Variants in LEP observed in about 807,000 individuals in gnomAD.
LEP encodes the protein leptin, also known as leptin (murine obesity homolog).
LEP carries 6 observed loss-of-function variants against 9.8 expected under a neutral mutation model. That is an observed-to-expected ratio of 0.61 (90% CI 0.34 to 1.21). The LOEUF (loss-of-function observed/expected upper bound fraction) is 1.21, where lower values mean the gene tolerates loss of function less well. Among genes scored for constraint, LEP ranks in the 50% most tolerant of loss-of-function variants. The probability of loss-of-function intolerance (pLI) is 0.04; values close to 1 mark genes in which losing one functional copy is unlikely to be tolerated. For synonymous variants in LEP, 112 were observed against 81.7 expected (o/e 1.37, Z -2.00); for missense variants, 134 against 198.1 (o/e 0.68, Z 1.94).
In LEP at chr7:128,250,913, G is replaced by A. The variant is rs149228774; in HGVS notation, c.-28-1078G>A. ...TTAACTTTATTACCTTTTGCCTCATGTATCTCATTAAAATTTTGCTGCTTA... is the reference window on the plus strand; with the variant it reads ...TTAACTTTATTACCTTTTGCCTCATATATCTCATTAAAATTTTGCTGCTTA... On this transcript the variant is annotated intron_variant, in intron 1 of 2. Transcript: ENST00000308868. Among the ~76,000 whole-genome samples, 1,522 of 152,274 alleles carry A rather than the reference G, an allele frequency of 1.0e-2. 11 individuals carry two copies. Among genetic ancestry groups the A allele is most frequent in the Non-Finnish European group, 0.015 (993 of 68,020 alleles).
At chr7:128,247,449 A>G (rs989399275) in intron 1 of LEP, among the ~76,000 whole-genome samples, 1 of 152,132 alleles carries the variant, frequency 6.6e-6, no homozygotes, top group Non-Finnish European at 1.5e-5. Flanking sequence ...TTTGCTCCTC[A>G]GGGTGCAGAA....
At chr7:128,245,856 GT>G (rs1795204493) in intron 1 of LEP, among the ~76,000 whole-genome samples, 1 of 152,162 alleles carries the variant, frequency 6.6e-6, no homozygotes, top group African/African-American at 2.4e-5. Context: ...GAGGTCAGGA[GT>G]TTGAGACCAG....
intron 1 of LEP, among the ~76,000 whole-genome samples, chr7:128,242,340 C>G (rs572010306): frequency 6.6e-6 from 1 of 152,140 alleles, no homozygotes; most frequent in East Asian, 1.9e-4. Context: ...CTCTGGCAGC[C>G]GGAGTTGTGT....
rs2116228797 is a variant in LEP at position 128,254,834 on chromosome 7, G to A, written c.*71G>A. The A allele has an allele frequency of 2.6e-6, 4 of 1,548,838 alleles. No homozygotes were observed. The highest frequency in any genetic ancestry group is 3.5e-6 in the Non-Finnish European group (4 of 1,138,586). ...AACTCTGGCTTCCAGGTATCTCCAG[G>A]ATTGAAGAGCATTGCATGGACACCC... On this transcript the variant is annotated 3_prime_UTR_variant, in exon 3 of 3. Transcript: ENST00000308868.
At chr7:128,244,184 GGGGGTCCA>G (rs1226497598) in intron 1 of LEP, among the ~76,000 whole-genome samples, 10 of 151,872 alleles carry the variant, frequency 6.6e-5, no homozygotes, top group Admixed American at 6.6e-4. Context: ...CCGGGAAGTC[GGGGGTCCA>G]GTGAGCCTTG....
intron 2 of LEP, 112 bp from the exon 3 acceptor site, chr7:128,254,292 G>A (rs1795309308): frequency 1.4e-6 from 2 of 1,403,248 alleles, no homozygotes; most frequent in South Asian, 1.2e-5. Context: ...GAGGGAGGGT[G>A]GAAGGAGGCA....
At chr7:128,252,815 C>T (rs1258136948) in intron 2 of LEP, among the ~76,000 whole-genome samples, 1 of 151,870 alleles carries the variant, frequency 6.6e-6, no homozygotes, top group African/African-American at 2.4e-5. Context: ...TTTAGGAGGC[C>T]AAGGTAGGAG....
In LEP at chr7:128,254,871, C is replaced by G; in HGVS notation, c.*108C>G. 2 of 1,268,788 alleles carry G rather than the reference C, an allele frequency of 1.6e-6. No individual in the cohort carries two copies. Among genetic ancestry groups the G allele is most frequent in the South Asian group, 1.2e-5 (1 of 80,198 alleles). The allele number at this position is 1,268,788 out of a possible 1,614,324, so 78.6% of individuals were successfully genotyped here. A position where few individuals can be genotyped will look rare whatever the true frequency, so the allele number is the denominator to read the frequency against. On this transcript the variant is annotated 3_prime_UTR_variant, in exon 3 of 3. Coordinates refer to ENST00000308868, the MANE Select transcript of LEP (RefSeq NM_000230.3). ...TTGCATGGACACCCCTTATCCAGGA[C>G]TCTGTCAATTTCCCTGACTCCTCTA...
At chr7:128,242,417 A>G (rs1795162194) in intron 1 of LEP, among the ~76,000 whole-genome samples, 15 of 152,122 alleles carry the variant, frequency 9.9e-5, no homozygotes, top group Admixed American at 9.8e-4. Context: ...AATCTCTTTC[A>G]TATTAGGATT....
chr7:128,252,399 A>G (rs1795285952), intron 2 of LEP, among the ~76,000 whole-genome samples: 1 of 152,202 alleles, frequency 6.6e-6, no homozygotes, highest in Non-Finnish European at 1.5e-5. Context: ...AACCACTCCA[A>G]GAACATTTGA....
chr7:128,245,243 CCT>C (rs1182411454), intron 1 of LEP, among the ~76,000 whole-genome samples: 1 of 152,158 alleles, frequency 6.6e-6, no homozygotes, highest in Non-Finnish European at 1.5e-5. Flanking sequence ...CCCTGCTTCC[CCT>C]CTTTCCCCTG....
At chr7:128,250,454 T>C (rs1795260574) in intron 1 of LEP, among the ~76,000 whole-genome samples, 1 of 152,128 alleles carries the variant, frequency 6.6e-6, no homozygotes, top group Non-Finnish European at 1.5e-5. Flanking sequence ...GATTTGGGCT[T>C]TTCCTTAAAT....
rs200842166 is a variant in LEP, at chr7:128,257,500, C to T, written c.*2737C>T. ...AGGAGAATCGCTTAAACCTGGGAGG[C>T]GGAGAGTACAGTGAGCCAAGATCGC... On this transcript the variant is annotated 3_prime_UTR_variant, in exon 3 of 3. Transcript: ENST00000308868. The T allele has an allele frequency of 8.9e-5, 13 of 145,384 alleles. No homozygotes were observed. In the South Asian group the frequency reaches 1.1e-3, roughly 12 times the overall value. The allele number at this position is 145,384 out of a possible 1,614,324, so 9.0% of individuals were successfully genotyped here. A position where few individuals can be genotyped will look rare whatever the true frequency, so the allele number is the denominator to read the frequency against.
rs906225556 is a variant in LEP, at chr7:128,255,966, T to C, written c.*1203T>C. 6.6e-6 allele frequency: 1 copy of C among 152,278 alleles called. No homozygotes were observed. The highest frequency in any genetic ancestry group is 2.4e-5 in the African/African-American group (1 of 41,464). The allele number at this position is 152,278 out of a possible 1,614,324, so 9.4% of individuals were successfully genotyped here. ...GGAGTGACGGTCCCACACTGGTGAC[T>C]GCGATCTTCAGAGCAGGGGTCCTTG... is the stretch of plus-strand genomic sequence containing the variant. On this transcript the variant is annotated 3_prime_UTR_variant, in exon 3 of 3. Transcript: ENST00000308868.
At chr7:128,245,545 G>GGAAT (rs1340507906) in intron 1 of LEP, among the ~76,000 whole-genome samples, 3 of 152,226 alleles carry the variant, frequency 2.0e-5, no homozygotes, top group Non-Finnish European at 1.5e-5. Context: ...AAGGAAGGAA[G>GGAAT]GGTGGGAGGG....
intron 1 of LEP, among the ~76,000 whole-genome samples, chr7:128,243,580 G>A (rs1360294687): frequency 6.6e-6 from 1 of 152,150 alleles, no homozygotes; most frequent in African/African-American, 2.4e-5. Flanking sequence ...AGGGCACATA[G>A]GAAGTGCAGG....
At chr7:128,244,678 G>A (rs1251437470) in intron 1 of LEP, among the ~76,000 whole-genome samples, 1 of 152,128 alleles carries the variant, frequency 6.6e-6, no homozygotes, top group African/African-American at 2.4e-5. Context: ...GGACAGGGAG[G>A]GCCACCAGGC....
Position 128,251,983 on chromosome 7 carries a change from G to C in LEP, c.-28-8G>C. 6.2e-7 allele frequency: 1 copy of C among 1,613,410 alleles called. No individual in the cohort carries two copies. Among genetic ancestry groups the C allele is most frequent in the Non-Finnish European group, 8.5e-7 (1 of 1,179,324 alleles). On this transcript the variant is annotated splice_polypyrimidine_tract_variant and splice_region_variant and intron_variant, in intron 1 of 2. Transcript: ENST00000308868. ...CTCCTTGCAGTGTGTGGTTCCTTCT[G>C]TTTTCAGGCCCAAGAAGCCCATCCT...
intron 1 of LEP, among the ~76,000 whole-genome samples, chr7:128,243,002 C>A (rs1302127020): frequency 2.0e-5 from 3 of 152,218 alleles, no homozygotes; most frequent in African/African-American, 4.8e-5. Flanking sequence ...TTCCGGCAGT[C>A]AGTTACCCCA....
Sources: gnomAD v4.1 joint callset for allele counts (sites outside exome capture counted in the v4.1 genomes callset) on GRCh38, gnomAD v4.1.1 for gene constraint, MANE v1.5 for transcripts, NCBI Gene and HGNC (gene_info 2026-07-23, HGNC 2026-07-21) for gene names.